The following RGS13 variants were observed in gnomAD, a reference collection of about 807,000 sequenced individuals.
RGS13 encodes the protein regulator of G-protein signalling 13.
A neutral mutation model predicts 19.9 loss-of-function variants in RGS13; 14 were observed. That is an observed-to-expected ratio of 0.70 (90% CI 0.46 to 1.10). The LOEUF is 1.10. Ranked by LOEUF, RGS13 falls within the 50% of genes least tolerant of loss-of-function variation. The pLI, the probability that RGS13 is intolerant of heterozygous loss-of-function variation, is 0.00. For synonymous variants in RGS13, 60 were observed against 56.8 expected, an observed-to-expected ratio of 1.06 and a Z score of -0.25; for missense variants, 205 against 187.1, an observed-to-expected ratio of 1.10 and a Z score of -0.56.
intron 5 of RGS13, among the ~76,000 whole-genome samples, chr1:192,648,450 A>G (rs1301936255): frequency 2.0e-5 from 3 of 152,306 alleles, no homozygotes; most frequent in African/African-American, 4.8e-5. Flanking sequence ...AAGTATCGAC[A>G]TTAACATGGT....
At chr1:192,659,060 C>T in intron 6 of RGS13, 1 of 266,652 alleles carries the variant, frequency 3.8e-6, no homozygotes, top group Non-Finnish European at 6.9e-6. Context: ...TAAGAAACCA[C>T]TGCATCTTCC....
intron 3 of RGS13, among the ~76,000 whole-genome samples, chr1:192,642,726 G>C (rs892090488): frequency 1.3e-5 from 2 of 152,072 alleles, no homozygotes; most frequent in Non-Finnish European, 2.9e-5. Context: ...ATATCCTGCT[G>C]GTTCCAGCTC....
chr1:192,659,510 A>G lies in RGS13; in HGVS notation c.467A>G (p.Asn156Ser). Residue 156 changes from asparagine (N) to serine (S), a missense_variant, in exon 7 of 7, where the codon AAC (asparagine) becomes AGC (serine). By Grantham distance (46) the Asn-to-Ser change is conservative. Transcript: ENST00000391995. ...YQKLLKTMQS[N>S]NSF ...AAACTTTTGAAAACTATGCAGTCCA[A>G]CAACAGTTTCTGACTACAACTCAAA... 1.9e-6 allele frequency: 3 copies of G among 1,609,356 alleles called. No individual in the cohort carries two copies. The highest frequency in any genetic ancestry group is 2.5e-6 in the Non-Finnish European group (3 of 1,178,160).
chr1:192,642,308 G>A (rs1266691285), intron 3 of RGS13, among the ~76,000 whole-genome samples: 1 of 148,538 alleles, frequency 6.7e-6, no homozygotes, highest in African/African-American at 2.5e-5. Context: ...CTAAATTCAT[G>A]TGGAACATAA....
intron 5 of RGS13, among the ~76,000 whole-genome samples, chr1:192,652,601 CA>C (rs1030856842): frequency 6.6e-6 from 1 of 150,884 alleles, no homozygotes; most frequent in Non-Finnish European, 1.5e-5. Context: ...CCAATTAGTA[CA>C]TTTTTTTTTT....
intron 5 of RGS13, among the ~76,000 whole-genome samples, chr1:192,651,236 A>G (rs4658066): frequency 0.091 from 13,780 of 152,132 alleles, 1,290 homozygotes; most frequent in African/African-American, 0.23. Flanking sequence ...ACTGCTGAGA[A>G]GTCAGCTGAG....
intron 5 of RGS13, among the ~76,000 whole-genome samples, chr1:192,651,333 T>C (rs1470707450): frequency 6.6e-6 from 1 of 151,984 alleles, no homozygotes; most frequent in East Asian, 1.9e-4. Context: ...ATGGTGGAGA[T>C]AGGTAAAACC....
Position 192,659,457 on chromosome 1 carries a change from C to T in RGS13, c.414C>T (p.Pro138=). The part of the protein sequence containing the change: ...VYMHMERDSY[P]RFLKSEMYQK... ...TGCATATGGAAAGGGATTCCTACCC[C>T]AGATTTCTAAAGTCAGAAATGTACC... The change falls in exon 7 of 7, where the codon CCC becomes CCT. Residue 138 remains proline, a synonymous_variant. Transcript: ENST00000391995. 6.2e-7 allele frequency: 1 copy of T among 1,612,732 alleles called. No individual in the cohort carries two copies. Among genetic ancestry groups the T allele is most frequent in the South Asian group, 1.1e-5 (1 of 90,966 alleles).
At chr1:192,648,836 G>C (rs139664890) in intron 5 of RGS13, among the ~76,000 whole-genome samples, 1 of 152,190 alleles carries the variant, frequency 6.6e-6, no homozygotes, top group Non-Finnish European at 1.5e-5. Flanking sequence ...GCTTTAACTA[G>C]TGGGGTGTAC....
intron 3 of RGS13, among the ~76,000 whole-genome samples, chr1:192,639,383 T>C (rs1388262200): frequency 6.6e-6 from 1 of 152,058 alleles, no homozygotes; most frequent in Non-Finnish European, 1.5e-5. Flanking sequence ...CACACCCAGA[T>C]GTCTGTAAAT....
chr1:192,655,304 T>C (rs921335330), intron 5 of RGS13, among the ~76,000 whole-genome samples: 1 of 152,132 alleles, frequency 6.6e-6, no homozygotes, highest in Non-Finnish European at 1.5e-5. Flanking sequence ...TATAGCGAAA[T>C]CCAGTTCAGC....
chr1:192,658,209 G>A lies in RGS13; in HGVS notation c.136G>A (p.Val46Ile), dbSNP rs1663479320. Residue 46 changes from valine (V) to isoleucine (I), a missense_variant, in exon 6 of 7, where the codon GTA becomes ATA. Transcript: ENST00000391995. ...TTCTCCTCTACTTTTAGATGGTCCA[G>A]TAGTCTATGCAGCATATTTAAAAAT... is the stretch of plus-strand genomic sequence containing the variant. The part of the protein sequence containing the change: ...ENLMATKYGP[V>I]VYAAYLKMEH... 2 of 1,611,638 alleles carry A rather than the reference G, an allele frequency of 1.2e-6. No individual in the cohort carries two copies. Among genetic ancestry groups the A allele is most frequent in the South Asian group, 1.1e-5 (1 of 90,778 alleles).
chr1:192,654,828 C>A lies in RGS13; in HGVS notation c.128-3373C>A, dbSNP rs183726556. On this transcript the variant is annotated intron_variant, in intron 5 of 6. Coordinates refer to ENST00000391995, the MANE Select transcript of RGS13 (RefSeq NM_002927.5). ...TAGTGACTAGTTTTAAAAGAACAGGCTAGAGATTCCCAAAGGCACCACTCT... is the reference window on the plus strand; with the variant it reads ...TAGTGACTAGTTTTAAAAGAACAGGATAGAGATTCCCAAAGGCACCACTCT... Among the ~76,000 whole-genome samples the A allele has an allele frequency of 3.3e-3, 509 of 152,092 alleles. 3 individuals are homozygous for A. The highest frequency in any genetic ancestry group is 5.0e-3 in the Non-Finnish European group (341 of 67,964).
In RGS13 at chr1:192,659,625, C is replaced by G; in HGVS notation, c.*102C>G. On this transcript the variant is annotated 3_prime_UTR_variant, in exon 7 of 7. Coordinates refer to ENST00000391995, the MANE Select transcript of RGS13 (RefSeq NM_002927.5). ...AATCAGAAACACAGTACAAATAAAACAGAAATCAAACTATAAGTTGACTTT... is the reference window on the plus strand; with the variant it reads ...AATCAGAAACACAGTACAAATAAAAGAGAAATCAAACTATAAGTTGACTTT... 1 of 798,710 alleles carries G rather than the reference C, an allele frequency of 1.3e-6. No individual in the cohort carries two copies. The highest frequency in any genetic ancestry group is 2.0e-6 in the Non-Finnish European group (1 of 505,468). 49.5% of individuals were successfully genotyped at this position (798,710 alleles called of 1,614,324 possible).
chr1:192,658,308 A>G lies in RGS13; in HGVS notation c.235A>G (p.Arg79Gly). 1 of 1,613,666 alleles carries G rather than the reference A, an allele frequency of 6.2e-7. No homozygotes were observed. Among genetic ancestry groups the G allele is most frequent in the Non-Finnish European group, 8.5e-7 (1 of 1,179,768 alleles). The change falls in exon 6 of 7, where the codon AGA (arginine) becomes GGA (glycine). Residue 79 changes from arginine (R) to glycine (G), a missense_variant. Coordinates refer to ENST00000391995, the MANE Select transcript of RGS13 (RefSeq NM_002927.5). ...TAAGAAAATTGCCTCACGGTGGAGC[A>G]GAATTTCTAGGGCAAAGAAGCTTTA... ...TYKKIASRWSRISRAKKLYKI... is the reference protein window; with the variant it reads ...TYKKIASRWSGISRAKKLYKI...
At chr1:192,654,686 A>C (rs1245738837) in intron 5 of RGS13, among the ~76,000 whole-genome samples, 2 of 152,028 alleles carry the variant, frequency 1.3e-5, no homozygotes, top group Non-Finnish European at 2.9e-5. Context: ...TTACAGAAAA[A>C]ATAATTCTGG....
rs573779746 is a variant in RGS13 at position 192,658,683 on chromosome 1, C to T, written c.294+316C>T. 1.6e-4 allele frequency: 39 copies of T among 238,000 alleles called. No homozygotes were observed. In the South Asian group the frequency reaches 1.6e-3, roughly 10 times the overall value. 14.7% of individuals were successfully genotyped at this position (238,000 alleles called of 1,614,324 possible). ...AGGAGTCTGTGGCGAAAGCATTGGC[C>T]TTCCCAGCAGGAACTATAAATATCA... On this transcript the variant is annotated intron_variant, in intron 6 of 6. Coordinates refer to ENST00000391995, the MANE Select transcript of RGS13 (RefSeq NM_002927.5).
chr1:192,658,193 A>G lies in RGS13; in HGVS notation c.128-8A>G, dbSNP rs761040791. 3.1e-6 allele frequency: 5 copies of G among 1,591,252 alleles called. No individual in the cohort carries two copies. The South Asian group carries it at 4.6e-5, about 15-fold the overall frequency. On this transcript the variant is annotated splice_polypyrimidine_tract_variant and splice_region_variant and intron_variant, in intron 5 of 6. Coordinates refer to ENST00000391995, the MANE Select transcript of RGS13 (RefSeq NM_002927.5). ...ATGAAAATAAACTGATTTCTCCTCTACTTTTAGATGGTCCAGTAGTCTATG... is the reference window on the plus strand; with the variant it reads ...ATGAAAATAAACTGATTTCTCCTCTGCTTTTAGATGGTCCAGTAGTCTATG...
At chr1:192,655,029 C>T (rs1050802018) in intron 5 of RGS13, among the ~76,000 whole-genome samples, 1 of 152,102 alleles carries the variant, frequency 6.6e-6, no homozygotes. Flanking sequence ...GAACAGCCTA[C>T]ATTGCCTGAT....
Sources: allele counts gnomAD v4.1 joint callset (sites outside exome capture counted in the v4.1 genomes callset), GRCh38; gene constraint gnomAD v4.1.1; transcripts MANE v1.5; gene names NCBI Gene and HGNC (gene_info 2026-07-23, HGNC 2026-07-21).